Variants in MGAT4A observed in about 807,000 individuals in gnomAD.
MGAT4A encodes alpha-1,3-mannosyl-glycoprotein 4-beta-N-acetylglucosaminyltransferase A.
A neutral mutation model predicts 74.1 loss-of-function variants in MGAT4A; 33 were observed. The ratio of observed to expected loss-of-function variants is 0.45; its 90% CI spans 0.34 to 0.60. The LOEUF (loss-of-function observed/expected upper bound fraction) is 0.60, where lower values mean the gene tolerates loss of function less well. Among genes scored for constraint, MGAT4A ranks in the 20% least tolerant of loss-of-function variants. MGAT4A has a pLI of 0.02. For synonymous variants in MGAT4A, 198 were observed against 210.4 expected (o/e 0.94, Z 0.51); for missense variants, 479 against 628.3 (o/e 0.76, Z 2.54).
At chr2:98,709,018 C>T (rs1235720401) in intron 2 of MGAT4A, among the ~76,000 whole-genome samples, 1 of 152,140 alleles carries the variant, frequency 6.6e-6, no homozygotes, top group East Asian at 1.9e-4. Context: ...GGCTGTACAC[C>T]CCATGGAGTC....
At chr2:98,649,254 A>G (rs959473642) in intron 8 of MGAT4A, among the ~76,000 whole-genome samples, 17 of 152,344 alleles carry the variant, frequency 1.1e-4, no homozygotes, top group African/African-American at 4.1e-4. Flanking sequence ...ATACAGCATG[A>G]TCCTCTACTG....
chr2:98,701,476 T>C (rs1702355225), intron 2 of MGAT4A, among the ~76,000 whole-genome samples: 2 of 152,324 alleles, frequency 1.3e-5, no homozygotes, highest in African/African-American at 4.8e-5. Flanking sequence ...TCCCCTCTCA[T>C]ATGTCGGCCA....
chr2:98,627,206 T>C (rs577944727), intron 14 of MGAT4A, among the ~76,000 whole-genome samples: 6 of 152,222 alleles, frequency 3.9e-5, no homozygotes, highest in Non-Finnish European at 7.3e-5. Context: ...GTTTTAACTT[T>C]TGAAAGCATG....
intron 2 of MGAT4A, among the ~76,000 whole-genome samples, chr2:98,681,276 T>C (rs1214078638): frequency 6.6e-6 from 1 of 152,180 alleles, no homozygotes; most frequent in Non-Finnish European, 1.5e-5. Context: ...CCACCGCACC[T>C]GGCCCAATTC....
chr2:98,714,110 C>T (rs971927813), intron 2 of MGAT4A, among the ~76,000 whole-genome samples: 8 of 151,978 alleles, frequency 5.3e-5, no homozygotes, highest in East Asian at 1.9e-4. Context: ...TTCTTTGAGA[C>T]GGAGTCTCGC....
rs1317704691 is a variant in MGAT4A, at chr2:98,621,289, TC to T, written c.*4276del. The T allele has an allele frequency of 7.6e-7, 1 of 1,323,420 alleles. No individual in the cohort carries two copies. Among genetic ancestry groups the T allele is most frequent in the African/African-American group, 1.5e-5 (1 of 66,670 alleles). The allele number at this position is 1,323,420 out of a possible 1,614,324, so 82.0% of individuals were successfully genotyped here. A position where few individuals can be genotyped will look rare whatever the true frequency, so the allele number is the denominator to read the frequency against. On this transcript the variant is annotated 3_prime_UTR_variant, in exon 16 of 16. Transcript: ENST00000393487. ...TCTGGAGACTGGAGATGAATGCCTT[TC>T]CAAGCCTATGAATGAGCTTATGGGC...
chr2:98,636,669 C>A, intron 12 of MGAT4A, 74 bp from the exon 13 acceptor site: 1 of 1,315,068 alleles, frequency 7.6e-7, no homozygotes, highest in South Asian at 1.2e-5. Context: ...ATGACCTTAC[C>A]TCAGAGTCAG....
chr2:98,709,603 ACTGGACATCCAGTT>A (rs1702488228), intron 2 of MGAT4A, among the ~76,000 whole-genome samples: 1 of 152,196 alleles, frequency 6.6e-6, no homozygotes, highest in African/African-American at 2.4e-5. Context: ...GTAGCCAACC[ACTGGACATCCAGTT>A]CAGGAGTATG....
chr2:98,710,627 T>C (rs1233865828), intron 2 of MGAT4A, among the ~76,000 whole-genome samples: 1 of 152,156 alleles, frequency 6.6e-6, no homozygotes, highest in African/African-American at 2.4e-5. Flanking sequence ...GCCTGGCTAA[T>C]TTTTGTATTT....
intron 2 of MGAT4A, among the ~76,000 whole-genome samples, chr2:98,710,968 C>T (rs1227254928): frequency 6.6e-6 from 1 of 150,506 alleles, no homozygotes; most frequent in African/African-American, 2.4e-5. Context: ...AAGATAAGCA[C>T]AGTGGTCACA....
Position 98,645,492 on chromosome 2 carries a change from A to G in MGAT4A, c.825T>C (p.Asn275=). The change falls in exon 9 of 16, where the codon AAT becomes AAC. Residue 275 remains asparagine, a synonymous_variant. Transcript: ENST00000393487. The part of the protein sequence containing the change: ...VKQNYFNTIK[N]FALQLSSEEW... ...CCTCAGAAGAAAGTTGAAGTGCAAA[A>G]TTTTTTATGGTATTAAAATAATTTT... The G allele has an allele frequency of 6.3e-7, 1 of 1,593,318 alleles. No homozygotes were observed. The highest frequency in any genetic ancestry group is 8.5e-7 in the Non-Finnish European group (1 of 1,175,208).
In MGAT4A at chr2:98,731,128, G is replaced by GCCGCCCCGC. The variant is rs1273279213; in HGVS notation, c.-317_-316insGCGGGGCGG. 1.8e-3 allele frequency: 241 copies of GCCGCCCCGC among 134,770 alleles called. 1 individual carries two copies. Among genetic ancestry groups the GCCGCCCCGC allele is most frequent in the Middle Eastern group, 4.9e-3 (1 of 206 alleles). 8.3% of individuals were successfully genotyped at this position (134,770 alleles called of 1,614,324 possible). ...GCCGCCGCTGCCGCCGCCGCTGCGG[G>GCCGCCCCGC]CCGCCCCGCCCGCCCCGCCGGCTCC... On this transcript the variant is annotated 5_prime_UTR_variant, in exon 1 of 16. Coordinates refer to ENST00000393487, the MANE Select transcript of MGAT4A (RefSeq NM_012214.3). The surrounding 1 kb of genome is among the most constrained non-coding windows in gnomAD (Gnocchi z 4.8).
chr2:98,644,657 G>A (rs72825733), intron 9 of MGAT4A, among the ~76,000 whole-genome samples: 22,078 of 147,292 alleles, frequency 0.15, 1,684 homozygotes, highest in Middle Eastern at 0.19. Context: ...TTTTTAGATT[G>A]AGTCTCACTC....
At chr2:98,676,271 AC>A (rs1273233260) in intron 3 of MGAT4A, among the ~76,000 whole-genome samples, 2 of 152,226 alleles carry the variant, frequency 1.3e-5, no homozygotes, top group Non-Finnish European at 2.9e-5. Flanking sequence ...AGAAACAATT[AC>A]AAATTATATC....
At chr2:98,630,152 C>A (rs1420213022) in intron 14 of MGAT4A, among the ~76,000 whole-genome samples, 1 of 152,196 alleles carries the variant, frequency 6.6e-6, no homozygotes, top group Non-Finnish European at 1.5e-5. Flanking sequence ...CATACATGTG[C>A]ACAAGTGTTC....
intron 14 of MGAT4A, among the ~76,000 whole-genome samples, chr2:98,631,322 T>C (rs1435861224): frequency 1.3e-5 from 2 of 152,194 alleles, no homozygotes; most frequent in African/African-American, 4.8e-5. Context: ...CTTGGCGACA[T>C]GCAAGGGGAG....
chr2:98,705,126 G>A (rs1702406096), intron 2 of MGAT4A, among the ~76,000 whole-genome samples: 1 of 152,152 alleles, frequency 6.6e-6, no homozygotes, highest in East Asian at 1.9e-4. Flanking sequence ...ATCTTAATCA[G>A]CACACTGAAA....
Position 98,655,388 on chromosome 2 carries a change from C to A in MGAT4A, c.774+57G>T, listed in dbSNP as rs1233036941. On this transcript the variant is annotated intron_variant, in intron 8 of 15. Coordinates refer to ENST00000393487, the MANE Select transcript of MGAT4A (RefSeq NM_012214.3). ...AACTTCCTGTTTTAATGAAAACATA[C>A]CCTTGATAACACTTTTTCTTTACAA... is the stretch of plus-strand genomic sequence containing the variant. 1.1e-5 allele frequency: 15 copies of A among 1,323,486 alleles called. 1 individual carries two copies. In the East Asian group the frequency reaches 2.1e-4, roughly 18 times the overall value. 82.0% of individuals were successfully genotyped at this position (1,323,486 alleles called of 1,614,324 possible). A position where few individuals can be genotyped will look rare whatever the true frequency, so the allele number is the denominator to read the frequency against.
intron 14 of MGAT4A, among the ~76,000 whole-genome samples, chr2:98,633,395 G>A (rs1466197437): frequency 6.6e-6 from 1 of 152,136 alleles, no homozygotes; most frequent in Non-Finnish European, 1.5e-5. Flanking sequence ...CTCCCTCCCC[G>A]AGATCTGGGA....
Sources: gnomAD v4.1 joint callset for allele counts (sites outside exome capture counted in the v4.1 genomes callset) on GRCh38, gnomAD v4.1.1 for gene constraint, Gnocchi (gnomAD v3.1) non-coding constraint, MANE v1.5 for transcripts, NCBI Gene and HGNC (gene_info 2026-07-23, HGNC 2026-07-21) for gene names.